The following DIS3L2 variants were observed in gnomAD, a reference collection of about 807,000 sequenced individuals.
The protein encoded by DIS3L2 is DIS3-like exonuclease 2.
Under a neutral mutation model 97.5 loss-of-function variants are expected in DIS3L2, and 34 were observed. The ratio of observed to expected loss-of-function variants is 0.35; its 90% CI spans 0.27 to 0.46. The LOEUF (loss-of-function observed/expected upper bound fraction) is 0.46, where lower values mean the gene tolerates loss of function less well. Among genes scored for constraint, DIS3L2 ranks in the 20% least tolerant of loss-of-function variants. The pLI, the probability that DIS3L2 is intolerant of heterozygous loss-of-function variation, is 1.00. For missense variants in DIS3L2, 1,038 were observed against 1,146.0 expected (o/e 0.91, Z 1.36); for synonymous variants, 435 against 445.2 (o/e 0.98, Z 0.29).
chr2:232,227,025 A>G (rs1638967544), intron 10 of DIS3L2, among the ~76,000 whole-genome samples: 1 of 152,188 alleles, frequency 6.6e-6, no homozygotes, highest in African/African-American at 2.4e-5. Context: ...AAATTGAGTT[A>G]TAACTAACTG....
At chr2:232,060,822 T>C (rs1695683481) in intron 5 of DIS3L2, among the ~76,000 whole-genome samples, 1 of 152,206 alleles carries the variant, frequency 6.6e-6, no homozygotes, top group Non-Finnish European at 1.5e-5. Context: ...TGTGTCTTTT[T>C]CAATTTCTAT....
intron 14 of DIS3L2, among the ~76,000 whole-genome samples, chr2:232,326,577 C>G (rs564520395): frequency 6.6e-6 from 1 of 152,044 alleles, no homozygotes; most frequent in African/African-American, 2.4e-5. Context: ...GGGCACCAAA[C>G]AGCCCCTGCA....
At position 231,997,233 on chromosome 2, in the gene DIS3L2, A is replaced by G. The variant is rs115704108; in HGVS notation, c.-93-17602A>G. Among the ~76,000 whole-genome samples the G allele has an allele frequency of 2.8e-3, 424 of 152,354 alleles. 1 individual carries two copies. The highest frequency in any genetic ancestry group is 4.6e-3 in the Non-Finnish European group (314 of 68,028). The stretch of plus-strand genomic sequence containing the variant: ...TTATCTCTTCCTACAACTGATTTCT[A>G]TTCCAGAGCTTTTCTTTTCTCAAGA... On this transcript the variant is annotated intron_variant, in intron 1 of 20. Coordinates refer to ENST00000325385, the MANE Select transcript of DIS3L2 (RefSeq NM_152383.5).
intron 9 of DIS3L2, among the ~76,000 whole-genome samples, chr2:232,189,339 G>C (rs1691545903): frequency 6.6e-6 from 1 of 152,214 alleles, no homozygotes; most frequent in Non-Finnish European, 1.5e-5. Context: ...TCCTTCAGCA[G>C]ATGAATGGTT....
intron 8 of DIS3L2, among the ~76,000 whole-genome samples, chr2:232,146,789 C>T (rs1160381246): frequency 6.6e-6 from 1 of 152,092 alleles, no homozygotes; most frequent in Non-Finnish European, 1.5e-5. Flanking sequence ...TGTTGGGTAG[C>T]AAACCAATAT....
At chr2:232,126,760 TC>T (rs1454665388) in intron 6 of DIS3L2, among the ~76,000 whole-genome samples, 1 of 152,164 alleles carries the variant, frequency 6.6e-6, no homozygotes, top group East Asian at 1.9e-4. Flanking sequence ...GACTAGTCCC[TC>T]CCACAGGGCC....
chr2:232,035,958 C>T lies in DIS3L2; in HGVS notation c.366+5878C>T, dbSNP rs555616700. ...TTTTTTCCTAGATTTCAACCTTTTT[C>T]CTTAATTTCAACTTTTCCTTCATTT... On this transcript the variant is annotated intron_variant, in intron 5 of 20. Transcript: ENST00000325385. 4.6e-5 allele frequency among the ~76,000 whole-genome samples: 7 copies of T among 151,412 alleles called. No individual in the cohort carries two copies. In the South Asian group the frequency reaches 6.3e-4, roughly 14 times the overall value.
intron 8 of DIS3L2, among the ~76,000 whole-genome samples, chr2:232,138,238 C>G (rs1052899068): frequency 6.6e-6 from 1 of 151,820 alleles, no homozygotes; most frequent in African/African-American, 2.4e-5. Context: ...GAACCCTTTT[C>G]TTGAAGGTAA....
At chr2:232,005,918 T>G (rs1056988650) in intron 1 of DIS3L2, among the ~76,000 whole-genome samples, 3 of 152,182 alleles carry the variant, frequency 2.0e-5, no homozygotes, top group Non-Finnish European at 4.4e-5. Flanking sequence ...CTGGGCGCGG[T>G]GGCTCATGCC....
intron 9 of DIS3L2, among the ~76,000 whole-genome samples, chr2:232,190,894 A>C (rs1691602988): frequency 6.6e-6 from 1 of 152,188 alleles, no homozygotes; most frequent in African/African-American, 2.4e-5. Context: ...GAGTTAAAGA[A>C]AAGACAAAGG....
intron 5 of DIS3L2, among the ~76,000 whole-genome samples, chr2:232,049,326 C>T (rs988150403): frequency 1.3e-5 from 2 of 151,998 alleles, no homozygotes; most frequent in African/African-American, 4.8e-5. Flanking sequence ...TTTGTACTAC[C>T]AGGTTGCTGT....
intron 14 of DIS3L2, 28 bp from the exon 15 acceptor site, chr2:232,329,785 T>TA: frequency 5.2e-6 from 5 of 967,134 alleles, no homozygotes; most frequent in East Asian, 3.1e-5. Flanking sequence ...ACCCCAGCGG[T>TA]CCCTCCCATC....
chr2:232,012,853 C>T (rs750327473), intron 1 of DIS3L2, among the ~76,000 whole-genome samples: 1 of 152,166 alleles, frequency 6.6e-6, no homozygotes, highest in Non-Finnish European at 1.5e-5. Flanking sequence ...TCTGTATCTG[C>T]GTACCCTTTC....
chr2:232,310,979 C>T (rs140533797), intron 14 of DIS3L2, among the ~76,000 whole-genome samples: 2 of 152,372 alleles, frequency 1.3e-5, no homozygotes, highest in African/African-American at 4.8e-5. Flanking sequence ...TGCCTATTCC[C>T]CACTTGCTGG....
intron 9 of DIS3L2, among the ~76,000 whole-genome samples, chr2:232,173,493 A>T (rs1213547365): frequency 6.6e-6 from 1 of 152,104 alleles, no homozygotes; most frequent in Non-Finnish European, 1.5e-5. Context: ...CAGCCTCCCA[A>T]AGTGCTGGGA....
chr2:232,081,181 G>A (rs1175550799), intron 5 of DIS3L2, among the ~76,000 whole-genome samples: 2 of 152,092 alleles, frequency 1.3e-5, no homozygotes, highest in African/African-American at 2.4e-5. Flanking sequence ...CTTCGTAGGT[G>A]GTGATGTGTA....
intron 1 of DIS3L2, among the ~76,000 whole-genome samples, chr2:232,012,479 C>G (rs1310120301): frequency 6.7e-6 from 1 of 148,264 alleles, no homozygotes; most frequent in Non-Finnish European, 1.5e-5. Flanking sequence ...ATGTAGTGCC[C>G]CATTTTCAAT....
rs550148371 is a variant in DIS3L2, at chr2:232,207,076, G to A, written c.1125-3250G>A. Reference sequence around the variant, plus strand: ...CTTCCCACCTCCAACCAAGCTAATGGAGTTCTTTTTGATTTTGACTAGGGG... The same window carrying A: ...CTTCCCACCTCCAACCAAGCTAATGAAGTTCTTTTTGATTTTGACTAGGGG... On this transcript the variant is annotated intron_variant, in intron 9 of 20. Transcript: ENST00000325385. Among the ~76,000 whole-genome samples, 7 of 152,210 alleles carry A rather than the reference G, an allele frequency of 4.6e-5. No homozygotes were observed. The South Asian group carries it at 1.5e-3, about 32-fold the overall frequency.
intron 9 of DIS3L2, among the ~76,000 whole-genome samples, chr2:232,193,758 A>G (rs1171516016): frequency 6.6e-6 from 1 of 152,230 alleles, no homozygotes; most frequent in Admixed American, 6.5e-5. Context: ...ATGTTGGTAC[A>G]TAGACTATTA....
Sources: allele counts gnomAD v4.1 joint callset (sites outside exome capture counted in the v4.1 genomes callset), GRCh38; gene constraint gnomAD v4.1.1; transcripts MANE v1.5; gene names NCBI Gene and HGNC (gene_info 2026-07-23, HGNC 2026-07-21).